The following PMFBP1 variants were observed in gnomAD, a reference collection of about 807,000 sequenced individuals.
PMFBP1 encodes the protein polyamine-modulated factor 1-binding protein 1.
A neutral mutation model predicts 137.8 loss-of-function variants in PMFBP1; 131 were observed. The ratio of observed to expected loss-of-function variants is 0.95; its 90% confidence interval spans 0.82 to 1.10. PMFBP1 has a LOEUF of 1.10. PMFBP1 is among the 50% of genes least tolerant of loss of function. The pLI is 0.00. For synonymous variants in PMFBP1, 490 were observed against 450.4 expected (o/e 1.09, Z -1.11); for missense variants, 1,199 against 1,175.4 (o/e 1.02, Z -0.29).
chr16:72,224,077 T>C, the PMFBP1 span, among the ~76,000 whole-genome samples: 5 of 152,138 alleles, frequency 3.3e-5, no homozygotes, highest in African/African-American at 1.2e-4. Context: ...TCTGAAGTGA[T>C]AAAAATAAAG....
the PMFBP1 span, among the ~76,000 whole-genome samples, chr16:72,227,689 C>A: frequency 1.3e-5 from 2 of 152,114 alleles, no homozygotes; most frequent in African/African-American, 4.8e-5. Flanking sequence ...AGAGACGTGG[C>A]ATAGAATTCC....
the PMFBP1 span, among the ~76,000 whole-genome samples, chr16:72,223,467 T>C: frequency 2.0e-5 from 3 of 152,248 alleles, no homozygotes; most frequent in African/African-American, 7.2e-5. Context: ...CTGGCTGTTC[T>C]GATATGGCCC....
chr16:72,248,751 C>A, the PMFBP1 span, among the ~76,000 whole-genome samples: 17 of 152,140 alleles, frequency 1.1e-4, no homozygotes, highest in East Asian at 2.9e-3. Context: ...TTTTAGGCGC[C>A]CAATGAAGTT....
At chr16:72,239,901 G>GA in the PMFBP1 span, among the ~76,000 whole-genome samples, 1,809 of 87,752 alleles carry the variant, frequency 0.021, 24 homozygotes, top group African/African-American at 0.056. Context: ...AAAAAAAAAA[G>GA]AAAAAAAAAA....
chr16:72,233,722 C>T, the PMFBP1 span, among the ~76,000 whole-genome samples: 16 of 152,102 alleles, frequency 1.1e-4, no homozygotes, highest in East Asian at 1.9e-4. Flanking sequence ...TTATACCTAT[C>T]GGCAGTCATT....
At chr16:72,244,977 T>C in the PMFBP1 span, among the ~76,000 whole-genome samples, 1 of 152,048 alleles carries the variant, frequency 6.6e-6, no homozygotes, top group Non-Finnish European at 1.5e-5. Context: ...CAAGAGAGCA[T>C]GGGGGGCATG....
chr16:72,224,139 G>C, the PMFBP1 span, among the ~76,000 whole-genome samples: 1 of 152,190 alleles, frequency 6.6e-6, no homozygotes, highest in African/African-American at 2.4e-5. Context: ...GGCAACACTT[G>C]AGAAGTTTCA....
the PMFBP1 span, among the ~76,000 whole-genome samples, chr16:72,239,885 CAAAAAAAAAAAAAAAG>C: frequency 1.4e-4 from 3 of 21,402 alleles, no homozygotes; most frequent in Non-Finnish European, 2.7e-4. Flanking sequence ...ACTCCATGTA[CAAAAAAAAAAAAAAAG>C]AAAAAAAAAA....
chr16:72,236,171 C>A, the PMFBP1 span, among the ~76,000 whole-genome samples: 1 of 152,026 alleles, frequency 6.6e-6, no homozygotes. Context: ...TTCTACTATT[C>A]CTAGTTTGTT....
upstream of PMFBP1, among the ~76,000 whole-genome samples, chr16:72,177,727 T>C (rs2043263590): frequency 6.6e-6 from 1 of 152,228 alleles, no homozygotes; most frequent in Admixed American, 6.5e-5. Context: ...CTTTTTCTGT[T>C]CTAGGATCTG....
intron 3 of PMFBP1, among the ~76,000 whole-genome samples, chr16:72,161,299 T>C (rs1350455070): frequency 2.0e-5 from 3 of 151,972 alleles, no homozygotes; most frequent in African/African-American, 7.3e-5. Flanking sequence ...GGTTTTGTCA[T>C]GTTGGCCAGG....
At chr16:72,198,097 T>C in the PMFBP1 span, among the ~76,000 whole-genome samples, 2 of 152,204 alleles carry the variant, frequency 1.3e-5, no homozygotes, top group African/African-American at 4.8e-5. Context: ...CATAAATAAA[T>C]ATTTTAACTG....
At chr16:72,205,996 T>C in the PMFBP1 span, among the ~76,000 whole-genome samples, 1 of 152,018 alleles carries the variant, frequency 6.6e-6, no homozygotes. Context: ...CCTCACTGCT[T>C]TGTTTTGCTC....
chr16:72,139,152 G>T, intron 7 of PMFBP1, 137 bp downstream of exon 7: 1 of 661,616 alleles, frequency 1.5e-6, no homozygotes. Flanking sequence ...TATCCTTGTG[G>T]CAGGGCCAAC....
chr16:72,181,964 TAAAAATA>T, the PMFBP1 span, among the ~76,000 whole-genome samples: 5 of 152,260 alleles, frequency 3.3e-5, no homozygotes, highest in East Asian at 1.9e-4. Flanking sequence ...GCTGATGAGC[TAAAAATA>T]AAAAATAAAA....
chr16:72,117,823 A>C (rs1229670742), downstream of PMFBP1, among the ~76,000 whole-genome samples: 1 of 152,202 alleles, frequency 6.6e-6, no homozygotes, highest in Non-Finnish European at 1.5e-5. Flanking sequence ...TAGGCAGGCA[A>C]CACTCAGTTT....
the PMFBP1 span, among the ~76,000 whole-genome samples, chr16:72,194,681 A>T: frequency 1.3e-5 from 2 of 152,184 alleles, no homozygotes; most frequent in Admixed American, 6.5e-5. Context: ...ATCGGTAGAG[A>T]TGTGAGGTCA....
chr16:72,132,639 C>T, intron 10 of PMFBP1, 109 bp downstream of exon 10: 1 of 1,533,298 alleles, frequency 6.5e-7, no homozygotes, highest in South Asian at 1.3e-5. Context: ...CAGTGAGACA[C>T]TGGAGGAGGG....
chr16:72,179,559 AC>A (rs892034816), upstream of PMFBP1, among the ~76,000 whole-genome samples: 10 of 152,126 alleles, frequency 6.6e-5, no homozygotes, highest in Non-Finnish European at 2.9e-5. Flanking sequence ...TAAATGAAGT[AC>A]TGTTTATTAA....
Sources: gnomAD v4.1 joint callset for allele counts (sites outside exome capture counted in the v4.1 genomes callset) on GRCh38, gnomAD v4.1.1 for gene constraint, MANE v1.5 for transcripts, NCBI Gene and HGNC (gene_info 2026-07-23, HGNC 2026-07-21) for gene names.